DSCAML1: variants seen among roughly 807,000 people sequenced by gnomAD.
The protein encoded by DSCAML1 is cell adhesion molecule DSCAML1.
DSCAML1 carries 38 observed loss-of-function variants against 200.5 expected under a neutral mutation model. The ratio of observed to expected loss-of-function variants is 0.19; its 90% CI spans 0.15 to 0.25. The LOEUF (loss-of-function observed/expected upper bound fraction) is 0.25, where lower values mean the gene tolerates loss of function less well. Ranked by LOEUF, DSCAML1 falls within the 10% of genes least tolerant of loss-of-function variation. The pLI, the probability that DSCAML1 is intolerant of heterozygous loss-of-function variation, is 1.00. For synonymous variants in DSCAML1, 1,215 were observed against 1,165.0 expected, an observed-to-expected ratio of 1.04 and a Z score of -0.87; for missense variants, 2,223 against 2,858.8, an observed-to-expected ratio of 0.78 and a Z score of 5.07.
At chr11:117,520,412 G>C (rs1252146073) in intron 6 of DSCAML1, among the ~76,000 whole-genome samples, 1 of 152,152 alleles carries the variant, frequency 6.6e-6, no homozygotes, top group African/African-American at 2.4e-5. Flanking sequence ...GGCAGGGAGA[G>C]GAATTGCAAG....
At chr11:117,651,258 G>A (rs2052625772) in intron 3 of DSCAML1, among the ~76,000 whole-genome samples, 1 of 152,216 alleles carries the variant, frequency 6.6e-6, no homozygotes, top group Non-Finnish European at 1.5e-5. Context: ...CAGATGATAA[G>A]GCCACAGAAA....
At chr11:117,495,347 C>T (rs2049270324) in intron 11 of DSCAML1, among the ~76,000 whole-genome samples, 1 of 152,178 alleles carries the variant, frequency 6.6e-6, no homozygotes, top group African/African-American at 2.4e-5. Context: ...AGTGCCAGGG[C>T]TGAATGCAAG....
At chr11:117,771,568 C>T (rs947416452) in intron 3 of DSCAML1, among the ~76,000 whole-genome samples, 21 of 152,162 alleles carry the variant, frequency 1.4e-4, no homozygotes, top group Admixed American at 6.5e-5. Flanking sequence ...ATGGGCCCTC[C>T]TCCTATGTGG....
chr11:117,502,850 C>T (rs931259071), intron 11 of DSCAML1, among the ~76,000 whole-genome samples: 1 of 152,160 alleles, frequency 6.6e-6, no homozygotes, highest in Non-Finnish European at 1.5e-5. Context: ...AGCCCAACCC[C>T]CCGCTCATAG....
At chr11:117,554,725 A>G (rs1437984643) in intron 3 of DSCAML1, among the ~76,000 whole-genome samples, 1 of 152,162 alleles carries the variant, frequency 6.6e-6, no homozygotes, top group Non-Finnish European at 1.5e-5. Context: ...TCCTGCTGGA[A>G]AGTGAGGCTC....
intron 1 of DSCAML1, among the ~76,000 whole-genome samples, chr11:117,783,364 G>A (rs2055296368): frequency 6.6e-6 from 1 of 152,106 alleles, no homozygotes; most frequent in Non-Finnish European, 1.5e-5. Flanking sequence ...CCGACAAGGA[G>A]GAATTCAGGA....
intron 3 of DSCAML1, among the ~76,000 whole-genome samples, chr11:117,770,262 A>T (rs1473728523): frequency 6.6e-6 from 1 of 152,228 alleles, no homozygotes; most frequent in Non-Finnish European, 1.5e-5. Context: ...TGTGCCTGGC[A>T]CCCAGCAGGG....
At chr11:117,485,666 C>T (rs2049032608) in intron 11 of DSCAML1, among the ~76,000 whole-genome samples, 1 of 152,242 alleles carries the variant, frequency 6.6e-6, no homozygotes, top group African/African-American at 2.4e-5. Context: ...GGGGTTCCAT[C>T]AAGACAGGAG....
intron 3 of DSCAML1, among the ~76,000 whole-genome samples, chr11:117,622,926 G>C (rs1424413065): frequency 6.6e-6 from 1 of 152,116 alleles, no homozygotes; most frequent in Non-Finnish European, 1.5e-5. Flanking sequence ...AATGCTGCAA[G>C]GTGTACACAT....
intron 3 of DSCAML1, among the ~76,000 whole-genome samples, chr11:117,536,140 AG>A (rs1195770500): frequency 6.6e-6 from 1 of 152,166 alleles, no homozygotes; most frequent in Non-Finnish European, 1.5e-5. Context: ...AGGAGAAATC[AG>A]GGGTATGATG....
intron 3 of DSCAML1, among the ~76,000 whole-genome samples, chr11:117,598,467 T>C (rs1351712878): frequency 1.3e-5 from 2 of 152,152 alleles, no homozygotes; most frequent in Non-Finnish European, 2.9e-5. Context: ...AGCTATAACA[T>C]GGGCATCTAG....
intron 3 of DSCAML1, among the ~76,000 whole-genome samples, chr11:117,757,409 G>T (rs980762412): frequency 1.3e-5 from 2 of 151,942 alleles, no homozygotes; most frequent in African/African-American, 4.8e-5. Context: ...CACTCAAGGG[G>T]TGCTGGATAT....
At chr11:117,532,660 G>T in intron 3 of DSCAML1, 138 bp from the exon 4 acceptor site, 1 of 876,210 alleles carries the variant, frequency 1.1e-6, no homozygotes, top group Non-Finnish European at 1.7e-6. Flanking sequence ...GTTCCTTTCA[G>T]TGTAGATGCT....
intron 19 of DSCAML1, 152 bp from the exon 20 acceptor site, chr11:117,450,840 C>T (rs1458265528): frequency 2.3e-5 from 20 of 852,964 alleles, no homozygotes; most frequent in Non-Finnish European, 3.0e-5. Flanking sequence ...AGGGTCCATC[C>T]AGCATGGTAA....
At chr11:117,802,328 T>C (rs2055667844) in intron 1 of DSCAML1, among the ~76,000 whole-genome samples, 1 of 152,074 alleles carries the variant, frequency 6.6e-6, no homozygotes, top group South Asian at 2.1e-4. Context: ...GGCCCATGGG[T>C]CTCATCCCTT....
intron 8 of DSCAML1, among the ~76,000 whole-genome samples, chr11:117,515,145 A>G (rs575398404): frequency 6.6e-6 from 1 of 152,332 alleles, no homozygotes; most frequent in Non-Finnish European, 1.5e-5. Context: ...TGAGGTCTTC[A>G]TGCTTCTGTA....
intron 14 of DSCAML1, among the ~76,000 whole-genome samples, chr11:117,473,177 TAAA>T (rs10709672): frequency 6.6e-6 from 1 of 152,242 alleles, no homozygotes; most frequent in East Asian, 1.9e-4. Flanking sequence ...CTAGAAAGAC[TAAA>T]AAAATTTTTT....
At chr11:117,742,989 T>G (rs1176395265) in intron 3 of DSCAML1, among the ~76,000 whole-genome samples, 1 of 147,842 alleles carries the variant, frequency 6.8e-6, no homozygotes, top group Non-Finnish European at 1.5e-5. Flanking sequence ...GCTATGGAGA[T>G]GCTCACTCCA....
Position 117,435,812 on chromosome 11 carries a change from A to T in DSCAML1, c.4721-13T>A. The T allele has an allele frequency of 6.3e-7, 1 of 1,598,020 alleles. No individual in the cohort carries two copies. Among genetic ancestry groups the T allele is most frequent in the Non-Finnish European group, 8.6e-7 (1 of 1,166,918 alleles). Reference sequence around the variant, plus strand: ...GGTGGAATGGTGCCTGAATGAGGGCAAAGAATAGAATTAGATGTCCCTTAT... The same window carrying T: ...GGTGGAATGGTGCCTGAATGAGGGCTAAGAATAGAATTAGATGTCCCTTAT... On this transcript the variant is annotated splice_polypyrimidine_tract_variant and intron_variant, in intron 26 of 32. Coordinates refer to ENST00000651296, the MANE Select transcript of DSCAML1 (RefSeq NM_020693.4).
Sources: gnomAD v4.1 joint callset for allele counts (sites outside exome capture counted in the v4.1 genomes callset) on GRCh38, gnomAD v4.1.1 for gene constraint, MANE v1.5 for transcripts, NCBI Gene and HGNC (gene_info 2026-07-23, HGNC 2026-07-21) for gene names.